Variants in SCARA3 observed in about 807,000 individuals in gnomAD.
The protein encoded by SCARA3 is scavenger receptor class A member 3.
In SCARA3, 39 loss-of-function variants were observed where a neutral mutation model predicts 47.0. The ratio of observed to expected loss-of-function variants is 0.83; its 90% CI spans 0.64 to 1.08. The LOEUF (loss-of-function observed/expected upper bound fraction) is 1.08, where lower values mean the gene tolerates loss of function less well. SCARA3 is among the 50% of genes least tolerant of loss of function. SCARA3 has a pLI of 0.00. For missense variants in SCARA3, 724 were observed against 792.3 expected (o/e 0.91, Z 1.04); for synonymous variants, 356 against 334.1 (o/e 1.07, Z -0.71).
At position 27,634,206 on chromosome 8, in the gene SCARA3, A is replaced by G; in HGVS notation, c.6A>G (p.Lys2=). The change falls in exon 1 of 6, where the codon AAA becomes AAG. Residue 2 remains lysine (K), a splice_region_variant and synonymous_variant. Coordinates refer to ENST00000301904, the MANE Select transcript of SCARA3 (RefSeq NM_016240.3). ...AGGCCCCAGAGGAAGAGACCATGAA[A>G]GGTAAGGGCGGCCTGTCGGGGGCAG... The part of the protein sequence containing the change: M[K]VRSAGGDGDA... The G allele has an allele frequency of 7.2e-7, 1 of 1,380,952 alleles. No individual in the cohort carries two copies. The highest frequency in any genetic ancestry group is 9.4e-7 in the Non-Finnish European group (1 of 1,068,692). The allele number at this position is 1,380,952 out of a possible 1,614,324, so 85.5% of individuals were successfully genotyped here.
At chr8:27,698,198 G>A in the SCARA3 span, among the ~76,000 whole-genome samples, 1 of 152,178 alleles carries the variant, frequency 6.6e-6, no homozygotes, top group Non-Finnish European at 1.5e-5. Context: ...ACAGGAAACA[G>A]AAACTTGGAT....
chr8:27,692,956 C>T, the SCARA3 span, among the ~76,000 whole-genome samples: 7 of 151,866 alleles, frequency 4.6e-5, no homozygotes, highest in Non-Finnish European at 8.8e-5. Flanking sequence ...AAAACCCTGT[C>T]TCTACAAAAA....
intron 3 of SCARA3, 125 bp downstream of exon 3, chr8:27,651,752 C>T (rs759460502): frequency 2.6e-4 from 344 of 1,302,664 alleles, no homozygotes; most frequent in Non-Finnish European, 3.4e-4. Flanking sequence ...CCAGCATCTT[C>T]CTGGCTAGGG....
chr8:27,671,674 A>G lies in SCARA3; in HGVS notation c.*323A>G, dbSNP rs1484020952. 24 of 1,096,020 alleles carry G rather than the reference A, an allele frequency of 2.2e-5. No individual in the cohort carries two copies. The highest frequency in any genetic ancestry group is 8.9e-6 in the Non-Finnish European group (8 of 893,978). 67.9% of individuals were successfully genotyped at this position (1,096,020 alleles called of 1,614,324 possible). On this transcript the variant is annotated 3_prime_UTR_variant, in exon 6 of 6. Coordinates refer to ENST00000301904, the MANE Select transcript of SCARA3 (RefSeq NM_016240.3). ...CACATGCACGCACACACACATGCAC[A>G]CATACACGTGCACACATACACAGGC... is the stretch of plus-strand genomic sequence containing the variant.
Position 27,671,252 on chromosome 8 carries a change from C to A in SCARA3, c.1722C>A (p.Gly574=). 2 of 1,489,948 alleles carry A rather than the reference C, an allele frequency of 1.3e-6. No homozygotes were observed. The highest frequency in any genetic ancestry group is 1.4e-5 in the South Asian group (1 of 73,324). 92.3% of individuals were successfully genotyped at this position (1,489,948 alleles called of 1,614,324 possible). ...PGIAGKTGSP[G]QRGAMGPKGE... is the part of the protein sequence containing the mutation. ...TTGCAGGGAAGACAGGGTCACCAGG[C>A]CAGCGGGGGGCCATGGGGCCTAAGG... The change falls in exon 6 of 6, where the codon GGC becomes GGA. Residue 574 remains glycine, a synonymous_variant. Coordinates refer to ENST00000301904, the MANE Select transcript of SCARA3 (RefSeq NM_016240.3).
At chr8:27,730,313 C>T in the SCARA3 span, among the ~76,000 whole-genome samples, 1 of 152,142 alleles carries the variant, frequency 6.6e-6, no homozygotes, top group African/African-American at 2.4e-5. Context: ...TTATCTTCCC[C>T]TCAGCCCCAT....
chr8:27,647,058 G>T (rs1801518685), intron 1 of SCARA3, among the ~76,000 whole-genome samples: 1 of 140,414 alleles, frequency 7.1e-6, no homozygotes, highest in Non-Finnish European at 1.5e-5. Flanking sequence ...CAGGATTCCG[G>T]AAGCTTTGCC....
chr8:27,708,934 G>C, the SCARA3 span, among the ~76,000 whole-genome samples: 1 of 152,134 alleles, frequency 6.6e-6, no homozygotes, highest in Non-Finnish European at 1.5e-5. Flanking sequence ...GTCTCTAACA[G>C]AGTAGCTTTT....
rs1453396672 is a variant in SCARA3 at position 27,649,770 on chromosome 8, G to A, written c.76G>A (p.Asp26Asn). The stretch of plus-strand genomic sequence containing the variant: ...AGAGGACCTGGCGGGTGACGACGAG[G>A]ACATGCCGACCTTCCCATGCACCCA... The part of the protein sequence containing the change: ...TEEDLAGDDE[D>N]MPTFPCTQKG... The change falls in exon 2 of 6, where the codon GAC (aspartate) becomes AAC (asparagine). Residue 26 changes from aspartate to asparagine, a missense_variant. Asp to Asn is a conservative substitution (Grantham distance 23). Coordinates refer to ENST00000301904, the MANE Select transcript of SCARA3 (RefSeq NM_016240.3). 2 of 1,614,156 alleles carry A rather than the reference G, an allele frequency of 1.2e-6. No homozygotes were observed. The highest frequency in any genetic ancestry group is 1.7e-6 in the Non-Finnish European group (2 of 1,180,032).
At chr8:27,702,991 C>G in the SCARA3 span, 1 of 152,368 alleles carries the variant, frequency 6.6e-6, no homozygotes, top group Non-Finnish European at 1.5e-5. Flanking sequence ...TCTCCCTCCT[C>G]AGGCCCTGCC....
the SCARA3 span, among the ~76,000 whole-genome samples, chr8:27,698,757 A>G: frequency 6.6e-6 from 1 of 152,220 alleles, no homozygotes; most frequent in African/African-American, 2.4e-5. Context: ...ATCATTTAGC[A>G]ACAGCATAAA....
At chr8:27,680,046 A>T (rs373400856), downstream of SCARA3, 2 of 152,308 alleles carry the variant, frequency 1.3e-5, no homozygotes, top group East Asian at 3.9e-4. Flanking sequence ...AGTATTGCAA[A>T]CATAACATAC....
At chr8:27,670,564 A>G (rs1802122468) in intron 5 of SCARA3, among the ~76,000 whole-genome samples, 1 of 152,174 alleles carries the variant, frequency 6.6e-6, no homozygotes, top group African/African-American at 2.4e-5. Flanking sequence ...GGGGGTGAAT[A>G]CAGTGGTCAA....
At chr8:27,643,569 G>A (rs996070987) in intron 1 of SCARA3, among the ~76,000 whole-genome samples, 3 of 152,208 alleles carry the variant, frequency 2.0e-5, no homozygotes, top group Non-Finnish European at 4.4e-5. Context: ...GGTAGTGGCG[G>A]AAGGGCTCTA....
At chr8:27,691,333 A>C in the SCARA3 span, among the ~76,000 whole-genome samples, 1 of 152,174 alleles carries the variant, frequency 6.6e-6, no homozygotes, top group African/African-American at 2.4e-5. Context: ...TTCCTTGGCC[A>C]GAGTGACAGA....
chr8:27,643,744 T>C (rs1468779376), intron 1 of SCARA3, among the ~76,000 whole-genome samples: 1 of 152,190 alleles, frequency 6.6e-6, no homozygotes, highest in African/African-American at 2.4e-5. Flanking sequence ...CTGCAGAAGA[T>C]AATTATCAAA....
the SCARA3 span, among the ~76,000 whole-genome samples, chr8:27,712,691 A>T: frequency 8.0e-4 from 122 of 152,278 alleles, no homozygotes; most frequent in African/African-American, 2.9e-3. Flanking sequence ...TCTGAAGAAC[A>T]TCTTGATGGC....
intron 1 of SCARA3, among the ~76,000 whole-genome samples, chr8:27,646,004 G>A (rs1801483993): frequency 6.6e-6 from 1 of 152,188 alleles, no homozygotes; most frequent in African/African-American, 2.4e-5. Flanking sequence ...AAATGCTTTG[G>A]ATTATGTTCT....
chr8:27,717,439 A>G, the SCARA3 span, among the ~76,000 whole-genome samples: 11 of 152,226 alleles, frequency 7.2e-5, no homozygotes, highest in African/African-American at 2.2e-4. Flanking sequence ...AGACTTCTCA[A>G]TGTACGTCTT....
Sources: allele counts gnomAD v4.1 joint callset (sites outside exome capture counted in the v4.1 genomes callset), GRCh38; gene constraint gnomAD v4.1.1; transcripts MANE v1.5; gene names NCBI Gene and HGNC (gene_info 2026-07-23, HGNC 2026-07-21).